The following TMEM132B variants were observed in gnomAD, a reference collection of about 807,000 sequenced individuals.
The protein encoded by TMEM132B is transmembrane protein 132B.
A neutral mutation model predicts 90.8 loss-of-function variants in TMEM132B; 18 were observed. The observed-to-expected ratio is 0.20, with a 90% CI of 0.14 to 0.29. The LOEUF (loss-of-function observed/expected upper bound fraction) is 0.29, where lower values mean the gene tolerates loss of function less well. TMEM132B is among the 10% of genes least tolerant of loss of function. The pLI is 1.00. For missense variants in TMEM132B, 1,096 were observed against 1,326.8 expected (o/e 0.83, Z 2.70); for synonymous variants, 504 against 523.3 (o/e 0.96, Z 0.50).
At chr12:125,192,772 CTT>C (rs929404421) in intron 1 of TMEM132B, among the ~76,000 whole-genome samples, 22 of 152,320 alleles carry the variant, frequency 1.4e-4, no homozygotes, top group African/African-American at 5.3e-4. Flanking sequence ...GCAAACTTCT[CTT>C]GTTAGTCACC....
At chr12:125,485,278 C>T (rs960548117) in intron 3 of TMEM132B, among the ~76,000 whole-genome samples, 17 of 152,186 alleles carry the variant, frequency 1.1e-4, no homozygotes, top group Admixed American at 5.9e-4. Flanking sequence ...TTTTGACTTC[C>T]GCAAAGTGTG....
intron 4 of TMEM132B, among the ~76,000 whole-genome samples, chr12:125,528,909 G>A (rs960597082): frequency 1.3e-5 from 2 of 152,226 alleles, no homozygotes; most frequent in South Asian, 4.2e-4. Context: ...GATGATTCAG[G>A]TGTGTTACAT....
At chr12:125,537,089 A>T (rs924127453) in intron 4 of TMEM132B, among the ~76,000 whole-genome samples, 11 of 152,108 alleles carry the variant, frequency 7.2e-5, no homozygotes, top group African/African-American at 2.7e-4. Flanking sequence ...TCCTTGAGGG[A>T]TTGATCCCAG....
intron 4 of TMEM132B, among the ~76,000 whole-genome samples, chr12:125,582,503 C>G (rs1360086395): frequency 2.0e-5 from 3 of 152,114 alleles, no homozygotes; most frequent in Non-Finnish European, 2.9e-5. Flanking sequence ...TTGGATCATT[C>G]TAGTGAGGCC....
intron 5 of TMEM132B, among the ~76,000 whole-genome samples, chr12:125,636,918 T>C (rs1886497264): frequency 6.6e-6 from 1 of 152,214 alleles, no homozygotes; most frequent in Non-Finnish European, 1.5e-5. Context: ...ACTCTCACAA[T>C]AGTCCACATT....
At chr12:125,215,787 C>A in intron 1 of TMEM132B, among the ~76,000 whole-genome samples, 1 of 152,228 alleles carries the variant, frequency 6.6e-6, no homozygotes, top group East Asian at 1.9e-4. Flanking sequence ...GGTGATCCAC[C>A]CGCCTTGGCC....
chr12:125,653,287 A>G (rs978872957), intron 8 of TMEM132B, among the ~76,000 whole-genome samples: 1 of 152,232 alleles, frequency 6.6e-6, no homozygotes, highest in South Asian at 2.1e-4. Flanking sequence ...ATGTTTTTAA[A>G]AAGGTCAAAG....
rs190396860 is a variant in TMEM132B, at chr12:125,269,292, C to G, written c.68-80160C>G. On this transcript the variant is annotated intron_variant, in intron 1 of 8. Coordinates refer to ENST00000682704, the MANE Select transcript of TMEM132B (RefSeq NM_001366854.1). The stretch of plus-strand genomic sequence containing the variant: ...CTTGGAGGGTCTCCTTGCTGCTTCA[C>G]CTTCCTCCTGCGGCACCAGGAAAAA... 3.9e-4 allele frequency among the ~76,000 whole-genome samples: 60 copies of G among 152,328 alleles called. No individual in the cohort carries two copies. The East Asian group carries it at 0.011, about 27-fold the overall frequency.
At chr12:125,189,974 C>G (rs1228214372) in intron 1 of TMEM132B, among the ~76,000 whole-genome samples, 2 of 152,164 alleles carry the variant, frequency 1.3e-5, no homozygotes, top group African/African-American at 4.8e-5. Flanking sequence ...ACTCAGCAAT[C>G]ACTGTGGCGA....
intron 4 of TMEM132B, among the ~76,000 whole-genome samples, chr12:125,576,754 T>G (rs1368564694): frequency 2.0e-5 from 3 of 152,058 alleles, no homozygotes; most frequent in African/African-American, 4.8e-5. Flanking sequence ...TGTTCTATAA[T>G]TAAGGTATAT....
chr12:125,254,791 C>T (rs1874398637), intron 1 of TMEM132B, among the ~76,000 whole-genome samples: 1 of 150,682 alleles, frequency 6.6e-6, no homozygotes, highest in African/African-American at 2.4e-5. Flanking sequence ...CCAAGTGATT[C>T]TCCTGCCTCA....
At chr12:125,555,951 C>G (rs1884374750) in intron 4 of TMEM132B, among the ~76,000 whole-genome samples, 1 of 152,174 alleles carries the variant, frequency 6.6e-6, no homozygotes, top group African/African-American at 2.4e-5. Context: ...TCAGAGAGAT[C>G]TACAAAAATA....
intron 2 of TMEM132B, among the ~76,000 whole-genome samples, chr12:125,379,368 G>A (rs964629695): frequency 5.3e-5 from 8 of 152,172 alleles, no homozygotes; most frequent in African/African-American, 1.9e-4. Context: ...TACAGTGCTG[G>A]CTTTGAAGAT....
At position 125,211,613 on chromosome 12, in the gene TMEM132B, C is replaced by T. The variant is rs905202147; in HGVS notation, c.67+24747C>T. On this transcript the variant is annotated intron_variant, in intron 1 of 8. Transcript: ENST00000682704. ...GGAGTAGGGTGGGAAACCAGGGGATCCAAAAAATAAAGACTAAAAATAGAA... is the reference window on the plus strand; with the variant it reads ...GGAGTAGGGTGGGAAACCAGGGGATTCAAAAAATAAAGACTAAAAATAGAA... 2.0e-5 allele frequency among the ~76,000 whole-genome samples: 3 copies of T among 152,096 alleles called. No individual in the cohort carries two copies. In the East Asian group the frequency reaches 5.8e-4, roughly 29 times the overall value.
chr12:125,474,057 T>TC (rs751352827), intron 3 of TMEM132B, among the ~76,000 whole-genome samples: 69 of 22,326 alleles, frequency 3.1e-3, no homozygotes, highest in African/African-American at 0.02. Flanking sequence ...CTTCTTTCTT[T>TC]TTCCTTTCCT....
chr12:125,516,149 A>T (rs568406862), intron 3 of TMEM132B, among the ~76,000 whole-genome samples: 10 of 151,802 alleles, frequency 6.6e-5, no homozygotes, highest in Admixed American at 6.6e-4. Flanking sequence ...ACACTCACAC[A>T]CTATCACATT....
intron 4 of TMEM132B, among the ~76,000 whole-genome samples, chr12:125,560,220 C>T (rs1346619774): frequency 5.3e-5 from 8 of 152,154 alleles, no homozygotes; most frequent in Non-Finnish European, 1.0e-4. Flanking sequence ...TGGCCTGGGT[C>T]ACCAAAAGCA....
Position 125,408,734 on chromosome 12 carries a change from G to A in TMEM132B, c.960-6797G>A, listed in dbSNP as rs529631751. Among the ~76,000 whole-genome samples the A allele has an allele frequency of 8.7e-4, 133 of 152,262 alleles. 1 individual carries two copies. Among genetic ancestry groups the A allele is most frequent in the Non-Finnish European group, 8.2e-4 (56 of 68,016 alleles). On this transcript the variant is annotated intron_variant, in intron 2 of 8. Transcript: ENST00000682704. This position sits in a 1 kb window ranked among gnomAD's most constrained non-coding sequence, Gnocchi z 5.9. ...CATGTGTTTCTGTTGGGCATAAACC[G>A]AGGAGTGGCAATGCTGTTACAGGGT...
intron 3 of TMEM132B, among the ~76,000 whole-genome samples, chr12:125,491,467 C>T (rs1386082438): frequency 3.3e-5 from 5 of 152,182 alleles, no homozygotes; most frequent in Non-Finnish European, 7.3e-5. Context: ...ATTAACCAAA[C>T]TTCCTTCAAA....
Sources: gnomAD v4.1 joint callset for allele counts (sites outside exome capture counted in the v4.1 genomes callset) on GRCh38, gnomAD v4.1.1 for gene constraint, Gnocchi (gnomAD v3.1) non-coding constraint, MANE v1.5 for transcripts, NCBI Gene and HGNC (gene_info 2026-07-23, HGNC 2026-07-21) for gene names.